Variants in RABL6 observed in about 807,000 individuals in gnomAD.
RABL6 encodes the protein rab-like protein 6.
In RABL6, 28 loss-of-function variants were observed where a neutral mutation model predicts 72.9. The observed-to-expected ratio is 0.38, with a 90% CI of 0.28 to 0.53. The LOEUF (loss-of-function observed/expected upper bound fraction) is 0.53, where lower values mean the gene tolerates loss of function less well. Among genes scored for constraint, RABL6 ranks in the 20% least tolerant of loss-of-function variants. The pLI is 0.80. For missense variants in RABL6, 1,029 were observed against 1,008.4 expected, an observed-to-expected ratio of 1.02 and a Z score of -0.28; for synonymous variants, 477 against 421.2, an observed-to-expected ratio of 1.13 and a Z score of -1.62.
chr9:136,810,971 T>C (rs1847999347), intron 1 of RABL6, among the ~76,000 whole-genome samples: 2 of 152,236 alleles, frequency 1.3e-5, no homozygotes, highest in African/African-American at 2.4e-5. Flanking sequence ...TGGGCTCTCC[T>C]CCTGGGCCCT....
At position 136,840,382 on chromosome 9, in the gene RABL6, GGCAAGGAGGAGC is replaced by G; in HGVS notation, c.2052_2063del (p.Lys685_Arg688del). 1 of 1,554,332 alleles carries G rather than the reference GGCAAGGAGGAGC, an allele frequency of 6.4e-7. No homozygotes were observed. The highest frequency in any genetic ancestry group is 8.7e-7 in the Non-Finnish European group (1 of 1,149,090). On this transcript the variant is annotated inframe_deletion, in exon 15 of 15. Coordinates refer to ENST00000311502, the MANE Select transcript of RABL6 (RefSeq NM_024718.5). ...CAAGAAGAGCAAGGACAAGGAGGAGGGCAAGGAGGAGCGGCGACGGCGGCAGCAGCGGCCCCC... is the reference window on the plus strand; with the variant it reads ...CAAGAAGAGCAAGGACAAGGAGGAGGGGCGACGGCGGCAGCAGCGGCCCCC...
intron 1 of RABL6, among the ~76,000 whole-genome samples, chr9:136,810,251 C>T (rs1322351220): frequency 6.6e-6 from 1 of 152,094 alleles, no homozygotes; most frequent in Non-Finnish European, 1.5e-5. Flanking sequence ...CCCGAGGGTC[C>T]TGGGCAAGGT....
chr9:136,808,829 A>T (rs1362129985), intron 1 of RABL6: 1 of 98,012 alleles, frequency 1.0e-5, no homozygotes, highest in Non-Finnish European at 2.1e-5. Flanking sequence ...GCTACGCCAC[A>T]CATTCTCGCC....
chr9:136,812,525 C>T (rs759884499), intron 1 of RABL6, among the ~76,000 whole-genome samples: 2 of 151,962 alleles, frequency 1.3e-5, no homozygotes, highest in Non-Finnish European at 2.9e-5. Context: ...CACCACTGCG[C>T]TCCAGCCTGG....
chr9:136,823,764 C>A, intron 2 of RABL6, 105 bp downstream of exon 2: 1 of 1,396,030 alleles, frequency 7.2e-7, no homozygotes, highest in Non-Finnish European at 9.5e-7. Context: ...CCGAAGAGTT[C>A]TTGTCTGTGA....
chr9:136,808,396 G>A, intron 1 of RABL6, 70 bp downstream of exon 1: 1 of 1,369,362 alleles, frequency 7.3e-7, no homozygotes, highest in East Asian at 3.2e-5. Flanking sequence ...CGGGCGCCGC[G>A]CGGTGGTGGG....
At chr9:136,832,035 G>A (rs1848488238) in intron 6 of RABL6, 174 bp downstream of exon 6, 2 of 1,084,886 alleles carry the variant, frequency 1.8e-6, no homozygotes, top group Non-Finnish European at 1.3e-6. Flanking sequence ...GGCAGGGCCG[G>A]GAACTGTGTG....
At chr9:136,808,472 G>A (rs1475048705) in intron 1 of RABL6, 146 bp downstream of exon 1, 22 of 928,458 alleles carry the variant, frequency 2.4e-5, no homozygotes, top group Non-Finnish European at 2.9e-5. Context: ...GGGAGCGGGG[G>A]CGCGGGCCAG....
intron 1 of RABL6, among the ~76,000 whole-genome samples, chr9:136,820,164 A>G (rs942570147): frequency 1.5e-5 from 2 of 136,982 alleles, no homozygotes; most frequent in Non-Finnish European, 3.0e-5. Flanking sequence ...ACACCACTGC[A>G]CTCCAGCCTG....
chr9:136,833,573 A>C, intron 7 of RABL6: 1 of 1,021,858 alleles, frequency 9.8e-7, no homozygotes, highest in Non-Finnish European at 1.3e-6. Flanking sequence ...GGGCTGCCCC[A>C]GCTGGGTCTG....
chr9:136,834,752 A>G (rs1330881837), intron 7 of RABL6, among the ~76,000 whole-genome samples: 1 of 152,096 alleles, frequency 6.6e-6, no homozygotes, highest in Non-Finnish European at 1.5e-5. Context: ...TGCTGGGATT[A>G]CAGGTGTGAG....
chr9:136,815,619 A>T (rs1453218733), intron 1 of RABL6: 1 of 166,500 alleles, frequency 6.0e-6, no homozygotes, highest in African/African-American at 2.4e-5. Context: ...GCTGCAGCAC[A>T]GGCTGTCAGG....
chr9:136,837,275 GCC>G, intron 8 of RABL6, 69 bp from the exon 9 acceptor site: 1 of 1,471,704 alleles, frequency 6.8e-7, no homozygotes, highest in Non-Finnish European at 9.3e-7. Flanking sequence ...GCAGCAGAGA[GCC>G]CCCTGTCACC....
Position 136,839,436 on chromosome 9 carries a change from A to G in RABL6, c.1708A>G (p.Met570Val). 6.2e-7 allele frequency: 1 copy of G among 1,612,646 alleles called. No individual in the cohort carries two copies. Among genetic ancestry groups the G allele is most frequent in the Non-Finnish European group, 8.5e-7 (1 of 1,179,760 alleles). ...PIAAQMLSFV[M>V]DDPDFESEGS... ...TGCTGCACAAATGCTGTCCTTCGTC[A>G]TGGATGACCCCGACTTTGAGAGCGA... Residue 570 changes from methionine (M) to valine (V), a missense_variant, in exon 12 of 15, where the codon ATG becomes GTG. Around this residue, in one of 2 missense-constraint regions of RABL6, gnomAD observed 595 missense variants for 472.4 expected, o/e 1.26. Transcript: ENST00000311502.
At position 136,840,975 on chromosome 9, in the gene RABL6, G is replaced by A; in HGVS notation, c.*453G>A. The A allele has an allele frequency of 6.9e-7, 1 of 1,452,542 alleles. No individual in the cohort carries two copies. Among genetic ancestry groups the A allele is most frequent in the East Asian group, 2.5e-5 (1 of 39,950 alleles). The allele number at this position is 1,452,542 out of a possible 1,614,324, so 90.0% of individuals were successfully genotyped here. On this transcript the variant is annotated 3_prime_UTR_variant, in exon 15 of 15. Coordinates refer to ENST00000311502, the MANE Select transcript of RABL6 (RefSeq NM_024718.5). Reference sequence around the variant, plus strand: ...TTCCGGCCGGGAGCCCTGAACACGGGTGTGCAGACTCACCCTAAAGGGCGG... The same window carrying A: ...TTCCGGCCGGGAGCCCTGAACACGGATGTGCAGACTCACCCTAAAGGGCGG...
In RABL6 at chr9:136,821,494, G is replaced by T. The variant is rs930694888; in HGVS notation, c.131-2031G>T. On this transcript the variant is annotated intron_variant, in intron 1 of 14. Transcript: ENST00000311502. ...GTGGATGGCGCCGCCGTTCTCTCGC[G>T]GGCCCAGCGAGGCTATGCGTGCGCG... 7.1e-6 allele frequency: 7 copies of T among 985,392 alleles called. No homozygotes were observed. The African/African-American group carries it at 1.0e-4, about 15-fold the overall frequency. 61.0% of individuals were successfully genotyped at this position (985,392 alleles called of 1,614,324 possible). A position where few individuals can be genotyped will look rare whatever the true frequency, so the allele number is the denominator to read the frequency against.
chr9:136,810,652 C>T (rs1168848593), intron 1 of RABL6, among the ~76,000 whole-genome samples: 1 of 152,140 alleles, frequency 6.6e-6, no homozygotes, highest in Non-Finnish European at 1.5e-5. Flanking sequence ...CACCATTCTC[C>T]TGCTTCAGCC....
At chr9:136,829,218 A>G (rs1564366878) in intron 4 of RABL6, among the ~76,000 whole-genome samples, 175 bp from the exon 5 acceptor site, 1 of 152,104 alleles carries the variant, frequency 6.6e-6, no homozygotes, top group Non-Finnish European at 1.5e-5. Context: ...TGACCGTCAG[A>G]CCCTTTGGGG....
At chr9:136,818,925 A>G (rs1314280046) in intron 1 of RABL6, among the ~76,000 whole-genome samples, 3 of 152,222 alleles carry the variant, frequency 2.0e-5, no homozygotes, top group Non-Finnish European at 4.4e-5. Context: ...TTCAGACTTC[A>G]CTGCAGCAGA....
Sources: allele counts gnomAD v4.1 joint callset (sites outside exome capture counted in the v4.1 genomes callset), GRCh38; gene constraint gnomAD v4.1.1; regional missense constraint gnomAD v4.1.1; transcripts MANE v1.5; gene names NCBI Gene and HGNC (gene_info 2026-07-23, HGNC 2026-07-21).